LHPP: variants seen among roughly 807,000 people sequenced by gnomAD.
The protein encoded by LHPP is phospholysine phosphohistidine inorganic pyrophosphate phosphatase.
Under a neutral mutation model 30.3 loss-of-function variants are expected in LHPP, and 24 were observed. The ratio of observed to expected loss-of-function variants is 0.79; its 90% CI spans 0.57 to 1.11. The LOEUF (loss-of-function observed/expected upper bound fraction) is 1.11. Among genes scored for constraint, LHPP ranks in the 50% most tolerant of loss-of-function variants. The probability of loss-of-function intolerance (pLI) is 0.00; values close to 1 mark genes in which losing one functional copy is unlikely to be tolerated. For missense variants in LHPP, 356 were observed against 367.2 expected (o/e 0.97, Z 0.25); for synonymous variants, 150 against 157.1 (o/e 0.95, Z 0.34).
chr10:124,517,376 A>T lies in LHPP; in HGVS notation c.716+105A>T. The T allele has an allele frequency of 1.3e-6, 1 of 750,718 alleles. No homozygotes were observed. The allele number at this position is 750,718 out of a possible 1,614,324, so 46.5% of individuals were successfully genotyped here. On this transcript the variant is annotated intron_variant, in intron 6 of 6. Coordinates refer to ENST00000368842, the MANE Select transcript of LHPP (RefSeq NM_022126.4). The surrounding 1 kb of genome is among the most constrained non-coding windows in gnomAD (Gnocchi z 4.1). Reference sequence around the variant, plus strand: ...AAAGGGGATATTCTTTCCAAATCAAAGAGCAGTATGTGGGCATTCACTATC... The same window carrying T: ...AAAGGGGATATTCTTTCCAAATCAATGAGCAGTATGTGGGCATTCACTATC...
chr10:124,562,657 C>T (rs1948413788), intron 6 of LHPP, among the ~76,000 whole-genome samples: 2 of 152,130 alleles, frequency 1.3e-5, no homozygotes, highest in East Asian at 1.9e-4. Flanking sequence ...ATAGGCCAGG[C>T]GTGGTGGCTC....
At chr10:124,600,596 C>T (rs917947182) in intron 6 of LHPP, among the ~76,000 whole-genome samples, 3 of 152,248 alleles carry the variant, frequency 2.0e-5, no homozygotes. Context: ...GGGGCCTCCC[C>T]GGAGGAGGTG....
intron 5 of LHPP, among the ~76,000 whole-genome samples, chr10:124,509,615 G>T (rs1954249966): frequency 6.6e-6 from 1 of 150,528 alleles, no homozygotes; most frequent in Non-Finnish European, 1.5e-5. Context: ...TGTTCCTTAT[G>T]AAGGTGTCCG....
chr10:124,603,308 G>A (rs907426486), intron 6 of LHPP, among the ~76,000 whole-genome samples: 6 of 152,148 alleles, frequency 3.9e-5, no homozygotes, highest in Admixed American at 1.3e-4. Context: ...GGGCTCAGGG[G>A]GAGGGGTCAC....
intron 1 of LHPP, among the ~76,000 whole-genome samples, chr10:124,483,058 C>G (rs1350620904): frequency 6.6e-6 from 1 of 151,934 alleles, no homozygotes; most frequent in African/African-American, 2.4e-5. Context: ...TGAGAACTTG[C>G]CCAGGTGCAG....
chr10:124,491,080 G>A (rs1953512060), intron 3 of LHPP, among the ~76,000 whole-genome samples: 1 of 149,252 alleles, frequency 6.7e-6, no homozygotes, highest in African/African-American at 2.5e-5. Context: ...ACAGCCTAGA[G>A]TTTTGGAATC....
At chr10:124,520,102 G>C (rs143393054) in intron 6 of LHPP, among the ~76,000 whole-genome samples, 15,788 of 151,988 alleles carry the variant, frequency 0.1, 1,076 homozygotes, top group Non-Finnish European at 0.16. Flanking sequence ...CAAAGTGCTA[G>C]GATTACAGGT....
At chr10:124,490,545 A>C (rs1164170216) in intron 3 of LHPP, 1 of 348,512 alleles carries the variant, frequency 2.9e-6, no homozygotes, top group East Asian at 8.0e-5. Flanking sequence ...AGGAGTTCAT[A>C]AATAGCAATC....
At chr10:124,603,614 A>G (rs183141903) in intron 6 of LHPP, among the ~76,000 whole-genome samples, 238 of 152,018 alleles carry the variant, frequency 1.6e-3, no homozygotes, top group African/African-American at 5.6e-3. Flanking sequence ...AAGGTCCTGT[A>G]TGTGTGAGCA....
At chr10:124,535,851 C>T (rs770489172) in intron 6 of LHPP, among the ~76,000 whole-genome samples, 28 of 152,386 alleles carry the variant, frequency 1.8e-4, no homozygotes, top group Admixed American at 1.3e-3. Context: ...GCAGCTGCTT[C>T]AGGCTCCTCA....
chr10:124,496,829 C>A lies in LHPP; in HGVS notation c.468-132C>A. ...CCTGCGGTCATTCTCAGCGTAGCGC[C>A]TGGACTGCCCCTCAGCCGCGGCTTG... On this transcript the variant is annotated intron_variant, in intron 3 of 6. Coordinates refer to ENST00000368842, the MANE Select transcript of LHPP (RefSeq NM_022126.4). This position sits in a 1 kb window ranked among gnomAD's most constrained non-coding sequence, Gnocchi z 4.3. 1.3e-6 allele frequency: 1 copy of A among 765,270 alleles called. No homozygotes were observed. The highest frequency in any genetic ancestry group is 1.7e-5 in the South Asian group (1 of 57,842). 47.4% of individuals were successfully genotyped at this position (765,270 alleles called of 1,614,324 possible).
At chr10:124,587,759 A>C (rs1398123925) in intron 6 of LHPP, among the ~76,000 whole-genome samples, 2 of 143,114 alleles carry the variant, frequency 1.4e-5, no homozygotes, top group East Asian at 4.1e-4. Context: ...AAAAAAAAAA[A>C]AAAAAACCAA....
chr10:124,462,823 G>A (rs1475638120), intron 1 of LHPP, among the ~76,000 whole-genome samples: 2 of 152,100 alleles, frequency 1.3e-5, no homozygotes, highest in Non-Finnish European at 1.5e-5. Context: ...TCAGGCTCCC[G>A]AGTAGCTGGG....
At chr10:124,504,967 G>A (rs372401287) in intron 5 of LHPP, among the ~76,000 whole-genome samples, 65 of 152,140 alleles carry the variant, frequency 4.3e-4, no homozygotes, top group Admixed American at 5.2e-4. Flanking sequence ...GGTCCCTGCC[G>A]CTGCCATCCA....
At chr10:124,508,787 A>T (rs879504382) in intron 5 of LHPP, among the ~76,000 whole-genome samples, 1 of 152,176 alleles carries the variant, frequency 6.6e-6, no homozygotes, top group Admixed American at 6.5e-5. Flanking sequence ...GTGTCTATAT[A>T]TACATTTTTA....
chr10:124,518,576 A>C (rs868635855), intron 6 of LHPP, among the ~76,000 whole-genome samples: 15 of 152,128 alleles, frequency 9.9e-5, no homozygotes, highest in Admixed American at 3.9e-4. Flanking sequence ...CACAAGTGAC[A>C]CCTCCCTGCT....
At chr10:124,578,315 C>T (rs1948695615) in intron 6 of LHPP, among the ~76,000 whole-genome samples, 1 of 152,234 alleles carries the variant, frequency 6.6e-6, no homozygotes, top group South Asian at 2.1e-4. Context: ...TCAGGGGCGG[C>T]TCTGCGAGTC....
intron 6 of LHPP, among the ~76,000 whole-genome samples, chr10:124,609,479 A>G (rs2134020332): frequency 6.6e-6 from 1 of 152,318 alleles, no homozygotes; most frequent in South Asian, 2.1e-4. Flanking sequence ...CCTGGGCTCA[A>G]GCAATCCTCC....
intron 6 of LHPP, among the ~76,000 whole-genome samples, chr10:124,542,742 C>G (rs1023156044): frequency 6.6e-6 from 1 of 152,198 alleles, no homozygotes; most frequent in Admixed American, 6.5e-5. Flanking sequence ...GGGCTCACCC[C>G]GCCCTGCTGC....
Sources: allele counts gnomAD v4.1 joint callset (sites outside exome capture counted in the v4.1 genomes callset), GRCh38; gene constraint gnomAD v4.1.1; non-coding constraint Gnocchi (gnomAD v3.1); transcripts MANE v1.5; gene names NCBI Gene and HGNC (gene_info 2026-07-23, HGNC 2026-07-21).